The following IL1B variants were observed in gnomAD, a reference collection of about 807,000 sequenced individuals.
The protein encoded by IL1B is interleukin 1 beta.
Under a neutral mutation model 26.2 loss-of-function variants are expected in IL1B, and 11 were observed. That is an observed-to-expected ratio of 0.42 (90% CI 0.26 to 0.70). The LOEUF (loss-of-function observed/expected upper bound fraction) is 0.70, where lower values mean the gene tolerates loss of function less well. Among genes scored for constraint, IL1B ranks in the 30% least tolerant of loss-of-function variants. IL1B has a pLI of 0.25. For missense variants in IL1B, 255 were observed against 327.5 expected, an observed-to-expected ratio of 0.78 and a Z score of 1.71; for synonymous variants, 118 against 120.8, an observed-to-expected ratio of 0.98 and a Z score of 0.15.
intron 5 of IL1B, 38 bp downstream of exon 5, chr2:112,832,624 A>C (rs925848998): frequency 6.3e-7 from 1 of 1,590,712 alleles, no homozygotes; most frequent in Non-Finnish European, 8.6e-7. Context: ...GCAAGCTGCC[A>C]GGAGGCCAGG....
chr2:112,830,525 C>T lies in IL1B; in HGVS notation c.646G>A (p.Val216Ile). ...YPKKKMEKRFVFNKIEINNKL... is the reference protein window; with the variant it reads ...YPKKKMEKRFIFNKIEINNKL... ...TTATTGATTTCTATCTTGTTGAAGA[C>T]AAATCGCTTTTCCATCTTCTTCTTT... is the stretch of plus-strand genomic sequence containing the variant. The change falls in exon 7 of 7, where the codon GTC (valine) becomes ATC (isoleucine). Residue 216 changes from valine (V) to isoleucine (I), a missense_variant. By Grantham distance (29) the Val-to-Ile change is conservative. Transcript: ENST00000263341. 1.2e-6 allele frequency: 2 copies of T among 1,614,058 alleles called. No homozygotes were observed. The highest frequency in any genetic ancestry group is 2.2e-5 in the East Asian group (1 of 44,878).
chr2:112,832,546 T>A (rs1682006332), intron 5 of IL1B, 116 bp downstream of exon 5: 1 of 1,132,138 alleles, frequency 8.8e-7, no homozygotes, highest in East Asian at 2.4e-5. Context: ...TTTTTAATAT[T>A]TTTTTTCACT....
At position 112,835,512 on chromosome 2, in the gene IL1B, C is replaced by A. The variant is rs778380983; in HGVS notation, c.99+54G>T. 5.4e-5 allele frequency: 79 copies of A among 1,449,612 alleles called. No individual in the cohort carries two copies. The Middle Eastern group carries it at 6.9e-4, about 13-fold the overall frequency. The allele number at this position is 1,449,612 out of a possible 1,614,324, so 89.8% of individuals were successfully genotyped here. On this transcript the variant is annotated intron_variant, in intron 3 of 6. Transcript: ENST00000263341. Reference sequence around the variant, plus strand: ...GTGGCCCAGAACTCCCTTCTTTGAGCTTTCCCTGTGTTAGAGCCCTTCCTT... The same window carrying A: ...GTGGCCCAGAACTCCCTTCTTTGAGATTTCCCTGTGTTAGAGCCCTTCCTT...
intron 5 of IL1B, among the ~76,000 whole-genome samples, 197 bp downstream of exon 5, chr2:112,832,465 A>T (rs756427892): frequency 1.3e-5 from 2 of 151,974 alleles, no homozygotes; most frequent in African/African-American, 2.4e-5. Context: ...TCAGGGTCAC[A>T]CTCCTGTTAA....
At chr2:112,836,309 A>G in intron 1 of IL1B, 65 bp from the exon 2 acceptor site, 2 of 1,140,848 alleles carry the variant, frequency 1.8e-6, no homozygotes, top group Non-Finnish European at 2.7e-6. Flanking sequence ...GATTTCTCTC[A>G]GCATCCAGTG....
intron 1 of IL1B, chr2:112,836,478 G>T: frequency 2.2e-6 from 1 of 464,232 alleles, no homozygotes; most frequent in Non-Finnish European, 4.0e-6. Context: ...AACCTTTAGG[G>T]TGTCAGCTGT....
At chr2:112,834,458 G>C (rs990384762) in intron 3 of IL1B, among the ~76,000 whole-genome samples, 3 of 152,106 alleles carry the variant, frequency 2.0e-5, no homozygotes, top group Admixed American at 1.3e-4. Context: ...GAGAAGCTCC[G>C]TATTAAGGCT....
chr2:112,833,556 TC>T lies in IL1B; in HGVS notation c.118del (p.Asp40ThrfsTer35). 2 of 1,613,856 alleles carry T rather than the reference TC, an allele frequency of 1.2e-6. No homozygotes were observed. The highest frequency in any genetic ancestry group is 1.7e-6 in the Non-Finnish European group (2 of 1,179,986). ...GATGCCGCCATCCAGAGGGCAGAGG[TC>T]CAGGTCCTGGAAGGAGCACTGCGGA... ...KQMKCSFQDL[D>X]LCPLDGGIQL... On this transcript the variant is annotated frameshift_variant, in exon 4 of 7. Transcript: ENST00000263341. LOFTEE classifies it high-confidence loss of function.
chr2:112,831,950 G>A (rs908583211), intron 5 of IL1B, among the ~76,000 whole-genome samples: 1 of 152,186 alleles, frequency 6.6e-6, no homozygotes, highest in Non-Finnish European at 1.5e-5. Flanking sequence ...AGTGTCAATT[G>A]GAGGCCCTGG....
At chr2:112,831,018 T>A (rs1681976386) in intron 6 of IL1B, 1 of 452,742 alleles carries the variant, frequency 2.2e-6, no homozygotes, top group Middle Eastern at 6.7e-4. Context: ...CCAAGGTGTC[T>A]ATCAAATGAG....
Position 112,835,746 on chromosome 2 carries a change from C to T in IL1B, c.48-129G>A, listed in dbSNP as rs765031425. ...CTGCCTCTCAAAGCTGCCTGAAACA[C>T]CTGGCAAGTTTCACAGTGATATGCG... is the stretch of plus-strand genomic sequence containing the variant. On this transcript the variant is annotated intron_variant, in intron 2 of 6. Transcript: ENST00000263341. 1.8e-4 allele frequency: 143 copies of T among 812,764 alleles called. 1 individual carries two copies. The highest frequency in any genetic ancestry group is 2.5e-4 in the Middle Eastern group (1 of 3,924). The allele number at this position is 812,764 out of a possible 1,614,324, so 50.3% of individuals were successfully genotyped here.
intron 3 of IL1B, 102 bp from the exon 4 acceptor site, chr2:112,833,677 A>G (rs1682033842): frequency 9.1e-7 from 1 of 1,095,098 alleles, no homozygotes; most frequent in Non-Finnish European, 1.4e-6. Flanking sequence ...AAGGGCTTGA[A>G]AGAATCCCGA....
At chr2:112,834,592 G>T (rs545514507) in intron 3 of IL1B, among the ~76,000 whole-genome samples, 1 of 152,250 alleles carries the variant, frequency 6.6e-6, no homozygotes, top group Admixed American at 6.5e-5. Context: ...GAGCCAAGCT[G>T]CTGGAAGAGG....
At chr2:112,833,075 A>C in intron 4 of IL1B, 1 of 604,408 alleles carries the variant, frequency 1.7e-6, no homozygotes, top group South Asian at 1.9e-5. Context: ...CTTAGGTAAA[A>C]TGGTGATGGT....
chr2:112,830,632 A>G (rs777137031), intron 6 of IL1B, 59 bp from the exon 7 acceptor site: 38 of 1,236,834 alleles, frequency 3.1e-5, no homozygotes, highest in Non-Finnish European at 4.3e-5. Context: ...GCTATGGGAA[A>G]GATGTTCTTT....
In IL1B at chr2:112,830,383, G is replaced by C. The variant is rs1258990487; in HGVS notation, c.788C>G (p.Thr263Ser). The change falls in exon 7 of 7, where the codon ACC (threonine) becomes AGC (serine). Residue 263 changes from threonine (T) to serine (S), a missense_variant. By Grantham distance (58) the Thr-to-Ser change is moderately conservative (BLOSUM62 1). Transcript: ENST00000263341. ...TKGGQDITDFTMQFVSS is the reference protein window; with the variant it reads ...TKGGQDITDFSMQFVSS ...TCTTTAGGAAGACACAAATTGCATG[G>C]TGAAGTCAGTTATATCCTGGCCGCC... 1.7e-5 allele frequency: 28 copies of C among 1,614,070 alleles called. No individual in the cohort carries two copies. The highest frequency in any genetic ancestry group is 2.3e-5 in the Non-Finnish European group (27 of 1,179,946).
chr2:112,834,217 C>T (rs1286247008), intron 3 of IL1B, among the ~76,000 whole-genome samples: 1 of 152,128 alleles, frequency 6.6e-6, no homozygotes, highest in Non-Finnish European at 1.5e-5. Context: ...CCACCTACAC[C>T]ATACATGTAT....
At chr2:112,833,760 G>A (rs1257866997) in intron 3 of IL1B, among the ~76,000 whole-genome samples, 185 bp from the exon 4 acceptor site, 1 of 152,146 alleles carries the variant, frequency 6.6e-6, no homozygotes, top group Non-Finnish European at 1.5e-5. Flanking sequence ...TTGGGAAGCC[G>A]AGGTGGATGA....
At chr2:112,831,533 A>G in intron 5 of IL1B, 111 bp from the exon 6 acceptor site, 1 of 1,218,000 alleles carries the variant, frequency 8.2e-7, no homozygotes, top group Non-Finnish European at 1.2e-6. Flanking sequence ...GTGGGAACCC[A>G]CAGTGAGGTT....
Sources: gnomAD v4.1 joint callset for allele counts (sites outside exome capture counted in the v4.1 genomes callset) on GRCh38, gnomAD v4.1.1 for gene constraint, MANE v1.5 for transcripts, NCBI Gene and HGNC (gene_info 2026-07-23, HGNC 2026-07-21) for gene names.